The following TAFA1 variants were observed in gnomAD, a reference collection of about 807,000 sequenced individuals.
TAFA1 encodes the protein TAFA chemokine like family member 1.
TAFA1 carries 4 observed loss-of-function variants against 18.5 expected under a neutral mutation model. That is an observed-to-expected ratio of 0.22 (90% CI 0.11 to 0.49). The LOEUF is 0.49. Ranked by LOEUF, TAFA1 falls within the 20% of genes least tolerant of loss-of-function variation. The pLI is 0.98. For synonymous variants in TAFA1, 56 were observed against 55.2 expected, an observed-to-expected ratio of 1.01 and a Z score of -0.06; for missense variants, 147 against 169.0, an observed-to-expected ratio of 0.87 and a Z score of 0.72.
chr3:68,224,030 A>G (rs1056475724), intron 2 of TAFA1, among the ~76,000 whole-genome samples: 5 of 151,306 alleles, frequency 3.3e-5, no homozygotes, highest in East Asian at 3.9e-4. Flanking sequence ...TTTATAGCCA[A>G]CAACCATGCA....
In TAFA1 at chr3:68,113,888, G is replaced by GTTTTTTTTTT. The variant is rs1169442128; in HGVS notation, c.118+107152_118+107153insTTTTTTTTTT. 3.5e-5 allele frequency among the ~76,000 whole-genome samples: 2 copies of GTTTTTTTTTT among 57,886 alleles called. 1 individual carries two copies. 38.0% of individuals were successfully genotyped at this position (57,886 alleles called of 152,430 possible). ...TGACAGTGTGACAGTTTGGGGTGTA[G>GTTTTTTTTTT]TTTTTTTTGTTTTTTTTTTTTTTTT... is the stretch of plus-strand genomic sequence containing the variant. On this transcript the variant is annotated intron_variant, in intron 2 of 4. Coordinates refer to ENST00000478136, the MANE Select transcript of TAFA1 (RefSeq NM_213609.4).
intron 2 of TAFA1, among the ~76,000 whole-genome samples, chr3:68,235,768 C>T (rs1405330720): frequency 6.6e-6 from 1 of 152,078 alleles, no homozygotes; most frequent in Non-Finnish European, 1.5e-5. Context: ...TGTCTTTTTG[C>T]TGGACTTAAA....
chr3:68,197,563 T>C (rs2066426361), intron 2 of TAFA1, among the ~76,000 whole-genome samples: 1 of 148,208 alleles, frequency 6.7e-6, no homozygotes, highest in Admixed American at 6.7e-5. Context: ...AAGAAAGAAA[T>C]GTCAATGCCT....
chr3:68,371,485 T>C (rs577293737), intron 2 of TAFA1, among the ~76,000 whole-genome samples: 1 of 152,300 alleles, frequency 6.6e-6, no homozygotes, highest in South Asian at 2.1e-4. Flanking sequence ...TGTTTGGTAT[T>C]CTGTTCCTGT....
At chr3:68,392,422 G>A (rs1029440117) in intron 2 of TAFA1, among the ~76,000 whole-genome samples, 5 of 151,916 alleles carry the variant, frequency 3.3e-5, no homozygotes, top group South Asian at 2.1e-4. Flanking sequence ...GGAGACTTTA[G>A]TACCCCACTG....
intron 3 of TAFA1, among the ~76,000 whole-genome samples, chr3:68,452,483 A>C (rs989023233): frequency 4.0e-5 from 6 of 148,218 alleles, no homozygotes; most frequent in Non-Finnish European, 7.4e-5. Flanking sequence ...AGATCACGCC[A>C]CTACACTCCA....
chr3:68,536,560 T>C (rs1022416055), intron 3 of TAFA1, among the ~76,000 whole-genome samples: 1 of 152,136 alleles, frequency 6.6e-6, no homozygotes, highest in Non-Finnish European at 1.5e-5. Flanking sequence ...GAATGGGAAA[T>C]GCCCAGGTGG....
chr3:68,336,713 C>T (rs1413790262), intron 2 of TAFA1, among the ~76,000 whole-genome samples: 1 of 152,112 alleles, frequency 6.6e-6, no homozygotes, highest in Non-Finnish European at 1.5e-5. Context: ...ATTCTATGTC[C>T]TTTAATGTTT....
At chr3:68,155,031 C>T (rs994057881) in intron 2 of TAFA1, among the ~76,000 whole-genome samples, 12 of 152,182 alleles carry the variant, frequency 7.9e-5, no homozygotes, top group African/African-American at 2.9e-4. Flanking sequence ...CCCAGTTAAT[C>T]AACAAACCAG....
intron 2 of TAFA1, among the ~76,000 whole-genome samples, chr3:68,147,948 CT>C (rs2065762620): frequency 6.6e-6 from 1 of 152,186 alleles, no homozygotes; most frequent in African/African-American, 2.4e-5. Context: ...AAAATGTTGC[CT>C]CAATTTCTGA....
intron 2 of TAFA1, among the ~76,000 whole-genome samples, chr3:68,034,846 G>A (rs1049356897): frequency 6.6e-6 from 1 of 152,040 alleles, no homozygotes; most frequent in Admixed American, 6.6e-5. Context: ...TTTTAGAAAG[G>A]GGAAATTTTA....
intron 3 of TAFA1, among the ~76,000 whole-genome samples, chr3:68,444,774 ATATATATATATATATAT>A (rs2071446918): frequency 6.2e-4 from 2 of 3,204 alleles, no homozygotes; most frequent in South Asian, 0.024. Flanking sequence ...TCTACAAAAT[ATATATATATATATATAT>A]ATATATATAT....
chr3:68,120,157 CTTTCTCTT>C (rs1440456081), intron 2 of TAFA1, among the ~76,000 whole-genome samples: 1 of 147,908 alleles, frequency 6.8e-6, no homozygotes, highest in African/African-American at 2.6e-5. Context: ...TTCTTTCTTT[CTTTCTCTT>C]TCTTTCTCTT....
In TAFA1 at chr3:68,432,062, ATTATT is replaced by A. The variant is rs576771767; in HGVS notation, c.259+14646_259+14650del. Reference sequence around the variant, plus strand: ...TTGGTCAGGGGTTAATATTATTATTATTATTTTAACCACCAGGGCCGGATGGTGGT... The same window carrying A: ...TTGGTCAGGGGTTAATATTATTATTATTAACCACCAGGGCCGGATGGTGGT... On this transcript the variant is annotated intron_variant, in intron 3 of 4. Coordinates refer to ENST00000478136, the MANE Select transcript of TAFA1 (RefSeq NM_213609.4). Among the ~76,000 whole-genome samples, 6 of 152,058 alleles carry A rather than the reference ATTATT, an allele frequency of 3.9e-5. No homozygotes were observed. In the South Asian group the frequency reaches 8.3e-4, roughly 21 times the overall value.
At chr3:68,260,148 G>T (rs2067384780) in intron 2 of TAFA1, among the ~76,000 whole-genome samples, 1 of 152,158 alleles carries the variant, frequency 6.6e-6, no homozygotes, top group South Asian at 2.1e-4. Context: ...TTAGCATGAA[G>T]CGTTGTTGAA....
intron 3 of TAFA1, among the ~76,000 whole-genome samples, chr3:68,529,719 G>A (rs114540213): frequency 0.013 from 1,959 of 152,256 alleles, 19 homozygotes; most frequent in Non-Finnish European, 0.02. Flanking sequence ...AGGGAGAGAG[G>A]AGAGGTGCCA....
chr3:68,353,820 G>T (rs78853549), intron 2 of TAFA1, among the ~76,000 whole-genome samples: 1 of 151,944 alleles, frequency 6.6e-6, no homozygotes, highest in Non-Finnish European at 1.5e-5. Context: ...TTTATTCCAC[G>T]TATGGGCTAA....
At chr3:68,430,586 A>T (rs1004838854) in intron 3 of TAFA1, among the ~76,000 whole-genome samples, 5 of 151,962 alleles carry the variant, frequency 3.3e-5, no homozygotes, top group African/African-American at 1.2e-4. Context: ...CAGTATTGAG[A>T]GCCCTCTATA....
chr3:68,415,093 G>A (rs1409109394), intron 2 of TAFA1, among the ~76,000 whole-genome samples: 1 of 152,150 alleles, frequency 6.6e-6, no homozygotes, highest in Non-Finnish European at 1.5e-5. Context: ...CGTGCATGGG[G>A]AGATAGTAAG....
Sources: allele counts gnomAD v4.1 joint callset (sites outside exome capture counted in the v4.1 genomes callset), GRCh38; gene constraint gnomAD v4.1.1; transcripts MANE v1.5; gene names NCBI Gene and HGNC (gene_info 2026-07-23, HGNC 2026-07-21).